MAP2K1: variants seen among roughly 807,000 people sequenced by gnomAD.
MAP2K1 encodes the protein dual specificity mitogen-activated protein kinase kinase 1.
In MAP2K1, 16 loss-of-function variants were observed where a neutral mutation model predicts 46.3. The ratio of observed to expected loss-of-function variants is 0.35; its 90% confidence interval spans 0.23 to 0.52. MAP2K1 has a LOEUF of 0.52. MAP2K1 is among the 20% of genes least tolerant of loss of function. MAP2K1 has a pLI of 0.94. For synonymous variants in MAP2K1, 183 were observed against 185.6 expected, an observed-to-expected ratio of 0.99 and a Z score of 0.11; for missense variants, 263 against 497.1, an observed-to-expected ratio of 0.53 and a Z score of 4.48.
At position 66,439,627 on chromosome 15, in the gene MAP2K1, G is replaced by A. The variant is rs938106487; in HGVS notation, c.438+2735G>A. Among the ~76,000 whole-genome samples the A allele has an allele frequency of 4.6e-5, 7 of 152,228 alleles. No homozygotes were observed. The South Asian group carries it at 6.2e-4, about 14-fold the overall frequency. On this transcript the variant is annotated intron_variant, in intron 3 of 10. Coordinates refer to ENST00000307102, the MANE Select transcript of MAP2K1 (RefSeq NM_002755.4). The stretch of plus-strand genomic sequence containing the variant: ...ACTAAAAATGCAAAATTAGCCAGGC[G>A]TGGTGGCACATGCCTGTAATCCCAG...
chr15:66,418,713 A>G (rs1039363284), intron 1 of MAP2K1, among the ~76,000 whole-genome samples: 4 of 150,996 alleles, frequency 2.6e-5, no homozygotes, highest in African/African-American at 4.9e-5. Flanking sequence ...CCCAGGCTGG[A>G]GTGCAGTGGC....
intron 6 of MAP2K1, among the ~76,000 whole-genome samples, chr15:66,484,051 C>A (rs1892978450): frequency 6.6e-6 from 1 of 151,668 alleles, no homozygotes; most frequent in Non-Finnish European, 1.5e-5. Context: ...CCTGGCTGTA[C>A]ATTTTCATTT....
intron 10 of MAP2K1, 130 bp from the exon 11 acceptor site, chr15:66,490,372 G>C (rs1452099558): frequency 1.3e-6 from 1 of 772,556 alleles, no homozygotes; most frequent in Non-Finnish European, 2.3e-6. Context: ...GTTGCTCAGG[G>C]GCAGGTGCCA....
intron 1 of MAP2K1, among the ~76,000 whole-genome samples, chr15:66,409,439 A>G (rs908509944): frequency 1.3e-5 from 2 of 152,126 alleles, no homozygotes; most frequent in Non-Finnish European, 2.9e-5. Context: ...GCCAAGCTGC[A>G]TACTTATCCC....
chr15:66,449,021 A>AC (rs1413007000), intron 5 of MAP2K1, among the ~76,000 whole-genome samples: 1 of 150,890 alleles, frequency 6.6e-6, no homozygotes, highest in African/African-American at 2.4e-5. Flanking sequence ...AAAAAAAAAA[A>AC]AAAAAAACAA....
chr15:66,467,137 G>A (rs1892488171), intron 5 of MAP2K1, among the ~76,000 whole-genome samples: 1 of 152,116 alleles, frequency 6.6e-6, no homozygotes, highest in Admixed American at 6.6e-5. Flanking sequence ...GAGAGGCTGA[G>A]GTAGGAGAAT....
At chr15:66,420,761 A>G (rs201071507) in intron 1 of MAP2K1, among the ~76,000 whole-genome samples, 3,529 of 15,246 alleles carry the variant, frequency 0.23, 538 homozygotes, top group South Asian at 0.33. Flanking sequence ...GTGTGTGTGT[A>G]TGTGTGTATA....
rs1338599733 is a variant in MAP2K1 at position 66,429,671 on chromosome 15, CCCCCCCCGT to C, written c.81-5348_81-5340del. Among the ~76,000 whole-genome samples, 106 of 35,848 alleles carry C rather than the reference CCCCCCCCGT, an allele frequency of 3.0e-3. 20 individuals carry two copies. The highest frequency in any genetic ancestry group is 0.02 in the South Asian group (15 of 764). 23.5% of individuals were successfully genotyped at this position (35,848 alleles called of 152,430 possible). On this transcript the variant is annotated intron_variant, in intron 1 of 10. Coordinates refer to ENST00000307102, the MANE Select transcript of MAP2K1 (RefSeq NM_002755.4). ...CTGGGTCTGCACTGCGGCGCCCCCC[CCCCCCCCGT>C]CCCCCCCAACACAGATGGGCTAGCC...
At chr15:66,486,073 A>C (rs28710871) in intron 7 of MAP2K1, among the ~76,000 whole-genome samples, 16 of 151,688 alleles carry the variant, frequency 1.1e-4, no homozygotes, top group African/African-American at 3.6e-4. Context: ...TAATTTTTTT[A>C]ATTTTTTTGT....
intron 5 of MAP2K1, among the ~76,000 whole-genome samples, chr15:66,463,174 T>C (rs1289693352): frequency 2.6e-5 from 4 of 152,184 alleles, no homozygotes; most frequent in African/African-American, 9.7e-5. Flanking sequence ...ATTAGGGGGA[T>C]ACATCTGAAT....
chr15:66,463,464 C>T (rs527876033), intron 5 of MAP2K1, among the ~76,000 whole-genome samples: 4 of 151,532 alleles, frequency 2.6e-5, no homozygotes, highest in South Asian at 2.1e-4. Flanking sequence ...CATGTGCCCA[C>T]GGTGGTCAGG....
chr15:66,389,191 C>G lies in MAP2K1; in HGVS notation c.80+1764C>G, dbSNP rs137939455. ...AAAATGCTGGGATTACAGGCATGAGCCACCGTGCCCAGCCCATTTGTTCAG... is the reference window on the plus strand; with the variant it reads ...AAAATGCTGGGATTACAGGCATGAGGCACCGTGCCCAGCCCATTTGTTCAG... On this transcript the variant is annotated intron_variant, in intron 1 of 10. Transcript: ENST00000307102. Among the ~76,000 whole-genome samples the G allele has an allele frequency of 2.9e-3, 445 of 152,284 alleles. 2 individuals carry two copies. Among genetic ancestry groups the G allele is most frequent in the African/African-American group, 0.01 (431 of 41,540 alleles).
At chr15:66,417,918 G>C (rs2093428297) in intron 1 of MAP2K1, among the ~76,000 whole-genome samples, 1 of 152,168 alleles carries the variant, frequency 6.6e-6, no homozygotes, top group African/African-American at 2.4e-5. Context: ...ACTGGCTACT[G>C]ACCTTTTGCC....
intron 5 of MAP2K1, among the ~76,000 whole-genome samples, chr15:66,449,009 A>AAAC (rs1891956685): frequency 6.7e-6 from 1 of 148,260 alleles, no homozygotes; most frequent in African/African-American, 2.5e-5. Flanking sequence ...GTCTCAAAAA[A>AAAC]AAAAAAAAAA....
At chr15:66,487,195 G>A (rs374131108) in intron 7 of MAP2K1, 33 bp from the exon 8 acceptor site, 2 of 1,589,978 alleles carry the variant, frequency 1.3e-6, no homozygotes, top group African/African-American at 1.3e-5. Flanking sequence ...ATCTGTTTCT[G>A]AGAAGTATTT....
At chr15:66,388,891 G>A (rs926647797) in intron 1 of MAP2K1, among the ~76,000 whole-genome samples, 2 of 145,178 alleles carry the variant, frequency 1.4e-5, no homozygotes, top group African/African-American at 5.1e-5. Flanking sequence ...TTATTGCATT[G>A]CAAACATTTG....
intron 5 of MAP2K1, among the ~76,000 whole-genome samples, chr15:66,454,622 T>A (rs1054253219): frequency 1.3e-5 from 2 of 152,152 alleles, no homozygotes; most frequent in African/African-American, 4.8e-5. Flanking sequence ...CGGTGGCTCA[T>A]ACCTGTAATC....
At chr15:66,395,229 T>C (rs564885059) in intron 1 of MAP2K1, among the ~76,000 whole-genome samples, 12 of 152,314 alleles carry the variant, frequency 7.9e-5, no homozygotes, top group African/African-American at 2.9e-4. Context: ...ATTTATAAAT[T>C]AGGCATAGTA....
intron 1 of MAP2K1, among the ~76,000 whole-genome samples, chr15:66,406,324 G>A (rs1468811982): frequency 6.6e-6 from 1 of 152,148 alleles, no homozygotes; most frequent in Non-Finnish European, 1.5e-5. Context: ...ATACTTCATA[G>A]CTCTGAAGTA....
Sources: allele counts gnomAD v4.1 joint callset (sites outside exome capture counted in the v4.1 genomes callset), GRCh38; gene constraint gnomAD v4.1.1; transcripts MANE v1.5; gene names NCBI Gene and HGNC (gene_info 2026-07-23, HGNC 2026-07-21).